Variants in FOXJ3 observed in about 807,000 individuals in gnomAD.
FOXJ3 encodes the protein forkhead box J3, also known as forkhead box protein J3.
A neutral mutation model predicts 76.1 loss-of-function variants in FOXJ3; 22 were observed. The observed-to-expected ratio is 0.29, with a 90% CI of 0.21 to 0.41. The LOEUF is 0.41. FOXJ3 is among the 10% of genes least tolerant of loss of function. The pLI is 1.00. For missense variants in FOXJ3, 613 were observed against 762.1 expected (o/e 0.80, Z 2.30); for synonymous variants, 269 against 261.2 (o/e 1.03, Z -0.29).
At chr1:42,210,954 T>C (rs1044323675) in intron 5 of FOXJ3, among the ~76,000 whole-genome samples, 1 of 152,028 alleles carries the variant, frequency 6.6e-6, no homozygotes, top group Non-Finnish European at 1.5e-5. Context: ...GGAGTGTACA[T>C]CATTAAGGGA....
intron 5 of FOXJ3, among the ~76,000 whole-genome samples, chr1:42,218,187 G>A (rs2124403057): frequency 6.6e-6 from 1 of 152,278 alleles, no homozygotes; most frequent in African/African-American, 2.4e-5. Context: ...CCACCTCAGA[G>A]AGGGAAGGCA....
intron 4 of FOXJ3, among the ~76,000 whole-genome samples, chr1:42,247,612 C>A (rs1337456936): frequency 6.6e-6 from 1 of 152,084 alleles, no homozygotes; most frequent in Non-Finnish European, 1.5e-5. Context: ...CAAGGATGAC[C>A]ATAATAAAAA....
chr1:42,179,897 G>T, intron 12 of FOXJ3, 72 bp from the exon 13 acceptor site: 1 of 920,684 alleles, frequency 1.1e-6, no homozygotes, highest in Non-Finnish European at 1.8e-6. Flanking sequence ...AACCCCTACT[G>T]TGTACTTCCT....
intron 2 of FOXJ3, among the ~76,000 whole-genome samples, chr1:42,293,186 T>G (rs986561125): frequency 1.3e-5 from 2 of 152,100 alleles, no homozygotes; most frequent in South Asian, 4.1e-4. Flanking sequence ...AAACAAATAT[T>G]TGTGATTAGG....
intron 5 of FOXJ3, among the ~76,000 whole-genome samples, chr1:42,211,895 G>A (rs1646972604): frequency 6.6e-6 from 1 of 152,134 alleles, no homozygotes; most frequent in South Asian, 2.1e-4. Context: ...GAGTACTGGG[G>A]GTGAGGAGGG....
intron 5 of FOXJ3, among the ~76,000 whole-genome samples, chr1:42,211,053 T>A (rs753651194): frequency 6.6e-6 from 1 of 152,144 alleles, no homozygotes; most frequent in Admixed American, 6.5e-5. Flanking sequence ...CAGAGAAACA[T>A]GTGCAGTGCT....
At chr1:42,187,285 A>C (rs2124163869) in intron 11 of FOXJ3, among the ~76,000 whole-genome samples, 1 of 152,390 alleles carries the variant, frequency 6.6e-6, no homozygotes, top group African/African-American at 2.4e-5. Flanking sequence ...AATTTCACTT[A>C]GTACTTTTTG....
intron 7 of FOXJ3, among the ~76,000 whole-genome samples, chr1:42,198,093 G>T (rs1646688339): frequency 6.6e-6 from 1 of 152,028 alleles, no homozygotes; most frequent in Non-Finnish European, 1.5e-5. Context: ...CTAGAACTCA[G>T]TAACCCTTTA....
chr1:42,290,016 C>T lies in FOXJ3; in HGVS notation c.45-11344G>A, dbSNP rs983129373. 7.6e-4 allele frequency among the ~76,000 whole-genome samples: 115 copies of T among 152,184 alleles called. 1 individual carries two copies. Among genetic ancestry groups the T allele is most frequent in the Non-Finnish European group, 4.1e-4 (28 of 67,952 alleles). ...AATGTTAGAAGATAGTAAATAAGTA[C>T]GTTCCCTTGAGCACATGGTAGAATA... On this transcript the variant is annotated intron_variant, in intron 2 of 12. Transcript: ENST00000361346.
At chr1:42,276,432 G>A (rs1418110027) in intron 3 of FOXJ3, among the ~76,000 whole-genome samples, 1 of 152,070 alleles carries the variant, frequency 6.6e-6, no homozygotes, top group Non-Finnish European at 1.5e-5. Context: ...ACCAATGAAT[G>A]CTAAAATTAA....
Position 42,278,361 on chromosome 1 carries a change from C to T in FOXJ3, c.356G>A (p.Gly119Asp). 1 of 1,609,468 alleles carries T rather than the reference C, an allele frequency of 6.2e-7. No homozygotes were observed. Among genetic ancestry groups the T allele is most frequent in the Non-Finnish European group, 8.5e-7 (1 of 1,175,926 alleles). Residue 119 changes from glycine (G) to aspartate (D), a missense_variant, in exon 3 of 13, where the codon GGC becomes GAC. This residue lies in a region of FOXJ3 where 10 missense variants were observed against 45.6 expected (regional missense o/e 0.22). Transcript: ENST00000361346. ...CDNFPYYREAGSGWKNSIRHN... is the reference protein window; with the variant it reads ...CDNFPYYREADSGWKNSIRHN... Reference sequence around the variant, plus strand: ...TAAAATCCTTACCTTCCAACCACTGCCAGCCTCTCTATAATATGGGAAGTT... The same window carrying T: ...TAAAATCCTTACCTTCCAACCACTGTCAGCCTCTCTATAATATGGGAAGTT...
At chr1:42,240,382 T>C (rs1267135418) in intron 4 of FOXJ3, among the ~76,000 whole-genome samples, 4 of 152,182 alleles carry the variant, frequency 2.6e-5, no homozygotes, top group East Asian at 1.9e-4. Flanking sequence ...TATATTGTAA[T>C]GTCAAGGAAC....
chr1:42,220,136 T>C (rs1450991281), intron 5 of FOXJ3, among the ~76,000 whole-genome samples: 3 of 152,202 alleles, frequency 2.0e-5, no homozygotes, highest in African/African-American at 7.2e-5. Flanking sequence ...TATGCAATAG[T>C]CACAGAGTTC....
At chr1:42,208,513 C>T (rs1437207131) in intron 5 of FOXJ3, among the ~76,000 whole-genome samples, 3 of 152,010 alleles carry the variant, frequency 2.0e-5, no homozygotes, top group Admixed American at 6.5e-5. Flanking sequence ...AAACGCTCAA[C>T]AAAAAAGGTA....
Position 42,205,846 on chromosome 1 carries a change from G to T in FOXJ3, c.546C>A (p.Ser182Arg). The part of the protein sequence containing the change: ...RSVERASTPY[S>R]IDSDSLGMEC... The stretch of plus-strand genomic sequence containing the variant: ...CCATTCCCAAAGAATCTGAATCTAT[G>T]CTATATGGAGTTGAGGCCTAAAATA... The change falls in exon 6 of 13, where the codon AGC becomes AGA. Residue 182 changes from serine to arginine, a missense_variant. Ser to Arg is a moderately radical substitution (Grantham distance 110). Around this residue, in one of 3 missense-constraint regions of FOXJ3, gnomAD observed 526 missense variants for 601.4 expected, o/e 0.87. Coordinates refer to ENST00000361346, the MANE Select transcript of FOXJ3 (RefSeq NM_014947.5). The T allele has an allele frequency of 6.2e-7, 1 of 1,607,696 alleles. No individual in the cohort carries two copies. Among genetic ancestry groups the T allele is most frequent in the Non-Finnish European group, 8.5e-7 (1 of 1,174,592 alleles).
At chr1:42,279,415 C>G (rs1367233911) in intron 2 of FOXJ3, among the ~76,000 whole-genome samples, 1 of 152,042 alleles carries the variant, frequency 6.6e-6, no homozygotes, top group Non-Finnish European at 1.5e-5. Context: ...TGTGGGAGTA[C>G]AGAATCTAAG....
At chr1:42,306,127 C>CT (rs1019686200) in intron 2 of FOXJ3, among the ~76,000 whole-genome samples, 2 of 152,102 alleles carry the variant, frequency 1.3e-5, no homozygotes, top group Non-Finnish European at 2.9e-5. Context: ...AAAGCCTTTG[C>CT]TTTTTCAGTA....
intron 2 of FOXJ3, among the ~76,000 whole-genome samples, chr1:42,306,961 G>A (rs910174178): frequency 4.6e-5 from 7 of 152,190 alleles, no homozygotes; most frequent in Non-Finnish European, 8.8e-5. Context: ...ACCCCTACCC[G>A]TATTCTGCTT....
Position 42,268,975 on chromosome 1 carries a change from C to A in FOXJ3, c.370-3786G>T, listed in dbSNP as rs556685758. Reference sequence around the variant, plus strand: ...ATGGGATCATCTATGAGCCAGGAAACAGGCCATCACCAGAATCTGCTGGCA... The same window carrying A: ...ATGGGATCATCTATGAGCCAGGAAAAAGGCCATCACCAGAATCTGCTGGCA... On this transcript the variant is annotated intron_variant, in intron 3 of 12. Coordinates refer to ENST00000361346, the MANE Select transcript of FOXJ3 (RefSeq NM_014947.5). 2.0e-5 allele frequency among the ~76,000 whole-genome samples: 3 copies of A among 152,236 alleles called. No individual in the cohort carries two copies. In the East Asian group the frequency reaches 5.8e-4, roughly 29 times the overall value.
Sources: gnomAD v4.1 joint callset for allele counts (sites outside exome capture counted in the v4.1 genomes callset) on GRCh38, gnomAD v4.1.1 for gene constraint, gnomAD v4.1.1 regional missense constraint, MANE v1.5 for transcripts, NCBI Gene and HGNC (gene_info 2026-07-23, HGNC 2026-07-21) for gene names.